Variants in ROBO1 observed in about 807,000 individuals in gnomAD.
ROBO1 encodes roundabout guidance receptor 1.
Under a neutral mutation model 195.9 loss-of-function variants are expected in ROBO1, and 149 were observed. The ratio of observed to expected loss-of-function variants is 0.76; its 90% CI spans 0.67 to 0.87. The LOEUF (loss-of-function observed/expected upper bound fraction) is 0.87, where lower values mean the gene tolerates loss of function less well. ROBO1 is among the 40% of genes least tolerant of loss of function. The pLI, the probability that ROBO1 is intolerant of heterozygous loss-of-function variation, is 0.00. For synonymous variants in ROBO1, 816 were observed against 733.2 expected (o/e 1.11, Z -1.82); for missense variants, 1,933 against 2,068.3 (o/e 0.93, Z 1.27).
At chr3:79,265,441 A>C (rs986685018) in intron 2 of ROBO1, among the ~76,000 whole-genome samples, 1 of 151,652 alleles carries the variant, frequency 6.6e-6, no homozygotes, top group Admixed American at 6.6e-5. Flanking sequence ...ACACAATTAT[A>C]CAATATGAAT....
Position 78,657,154 on chromosome 3 carries a change from G to A in ROBO1, c.2558C>T (p.Ala853Val). 6.2e-7 allele frequency: 1 copy of A among 1,612,732 alleles called. No individual in the cohort carries two copies. The highest frequency in any genetic ancestry group is 8.5e-7 in the Non-Finnish European group (1 of 1,179,382). Residue 853 changes from alanine (A) to valine (V), a missense_variant, in exon 18 of 31, where the codon GCA becomes GTA. This residue lies in a region of ROBO1 where 1,737 missense variants were observed against 1,882.5 expected (regional missense o/e 0.92). Transcript: ENST00000464233. ...VPGIRYSVEV[A>V]ASTGAGSGVK... ...CCCAGACCCAGCCCCAGTGCTGGCT[G>A]CCACTTCCACACTGTATCGGATTCC...
intron 3 of ROBO1, among the ~76,000 whole-genome samples, chr3:79,115,823 C>T (rs1405201167): frequency 1.3e-5 from 2 of 152,154 alleles, no homozygotes; most frequent in Non-Finnish European, 2.9e-5. Context: ...AGCAGACCCA[C>T]CATCTGTGCA....
intron 4 of ROBO1, among the ~76,000 whole-genome samples, chr3:78,804,434 A>C (rs184331195): frequency 1.2e-3 from 189 of 152,236 alleles, no homozygotes; most frequent in African/African-American, 4.3e-3. Context: ...TGTGTATACA[A>C]CATAATTAGG....
In ROBO1 at chr3:78,688,745, C is replaced by T. The variant is rs377297596; in HGVS notation, c.1073G>A (p.Arg358His). Residue 358 changes from arginine (R) to histidine (H), a missense_variant, in exon 9 of 31, where the codon CGT (arginine) becomes CAT (histidine). Physicochemically the swap from Arg to His is conservative, Grantham distance 29. This residue lies in a region of ROBO1 where 1,737 missense variants were observed against 1,882.5 expected (regional missense o/e 0.92). Coordinates refer to ENST00000464233, the MANE Select transcript of ROBO1 (RefSeq NM_002941.4). Reference sequence around the variant, plus strand: ...CCGTCCCAAAGCAACAACCTGGTCACGGGGTTTCACAACAAAATGTGGAGG... The same window carrying T: ...CCGTCCCAAAGCAACAACCTGGTCATGGGGTTTCACAACAAAATGTGGAGG... ...QEPPHFVVKP[R>H]DQVVALGRTV... 7.7e-5 allele frequency: 124 copies of T among 1,608,770 alleles called. No individual in the cohort carries two copies. The highest frequency in any genetic ancestry group is 3.3e-4 in the Middle Eastern group (2 of 6,074).
intron 2 of ROBO1, among the ~76,000 whole-genome samples, chr3:79,285,664 T>G (rs1443373717): frequency 1.3e-5 from 2 of 152,182 alleles, no homozygotes; most frequent in African/African-American, 4.8e-5. Flanking sequence ...TTTGTGAAAT[T>G]CACCCTAAGG....
At chr3:79,236,396 A>G (rs2082407474) in intron 2 of ROBO1, among the ~76,000 whole-genome samples, 1 of 152,146 alleles carries the variant, frequency 6.6e-6, no homozygotes, top group Admixed American at 6.5e-5. Flanking sequence ...TAAATCCCAA[A>G]TGAACAAGGG....
intron 4 of ROBO1, among the ~76,000 whole-genome samples, chr3:78,758,307 C>G (rs2082992685): frequency 6.6e-6 from 1 of 152,034 alleles, no homozygotes. Flanking sequence ...CTGCCTGCGC[C>G]CAGCAGTTTG....
At chr3:78,903,505 C>T (rs1190987478) in intron 4 of ROBO1, among the ~76,000 whole-genome samples, 2 of 149,228 alleles carry the variant, frequency 1.3e-5, no homozygotes, top group Non-Finnish European at 3.0e-5. Context: ...ATAAAAAGAA[C>T]AAATTTAGAT....
Position 78,636,014 on chromosome 3 carries a change from A to G in ROBO1, c.3132T>C (p.Ser1044=), listed in dbSNP as rs1257270781. ...AGGTTTTCATCTCATTGATTTTGTT[A>G]CTAAGGTCCACATCACCATAAACAG... ...ESTVYGDVDL[S]NKINEMKTFN... The change falls in exon 23 of 31, where the codon AGT becomes AGC. Residue 1044 remains serine (S), a synonymous_variant. Transcript: ENST00000464233. The G allele has an allele frequency of 6.2e-7, 1 of 1,613,760 alleles. No homozygotes were observed. Among genetic ancestry groups the G allele is most frequent in the African/African-American group, 1.3e-5 (1 of 74,902 alleles).
chr3:78,753,482 T>C (rs1327137683), intron 4 of ROBO1, among the ~76,000 whole-genome samples: 1 of 152,176 alleles, frequency 6.6e-6, no homozygotes, highest in African/African-American at 2.4e-5. Flanking sequence ...AAATTTGTAA[T>C]GTGTTCTAGA....
At chr3:78,899,165 T>A (rs951002809) in intron 4 of ROBO1, among the ~76,000 whole-genome samples, 2 of 152,162 alleles carry the variant, frequency 1.3e-5, no homozygotes, top group Non-Finnish European at 2.9e-5. Flanking sequence ...AATAAAAACA[T>A]ACCACTTTTT....
chr3:78,973,575 C>CTATATA lies in ROBO1; in HGVS notation c.173-34654_173-34649dup, dbSNP rs58598961. 2.0e-3 allele frequency among the ~76,000 whole-genome samples: 260 copies of CTATATA among 129,406 alleles called. 3 individuals are homozygous for CTATATA. The highest frequency in any genetic ancestry group is 3.4e-3 in the African/African-American group (122 of 36,278). The allele number at this position is 129,406 out of a possible 152,430, so 84.9% of individuals were successfully genotyped here. On this transcript the variant is annotated intron_variant, in intron 3 of 30. Coordinates refer to ENST00000464233, the MANE Select transcript of ROBO1 (RefSeq NM_002941.4). ...TATAAGAAGCTATACATATATGAAG[C>CTATATA]TATATATATATATATATATATATAG...
intron 1 of ROBO1, among the ~76,000 whole-genome samples, chr3:79,757,403 A>T (rs1169960651): frequency 6.6e-6 from 1 of 152,136 alleles, no homozygotes; most frequent in Non-Finnish European, 1.5e-5. Context: ...AAATGAGGAC[A>T]GAGGACAAAA....
At chr3:79,715,006 A>C (rs1314670904) in intron 1 of ROBO1, among the ~76,000 whole-genome samples, 3 of 151,974 alleles carry the variant, frequency 2.0e-5, no homozygotes, top group African/African-American at 4.8e-5. Context: ...AATAATAATA[A>C]AATTTTTTAA....
rs1175359081 is a variant in ROBO1, at chr3:79,055,755, A to G, written c.172+69701T>C. Among the ~76,000 whole-genome samples, 4 of 152,110 alleles carry G rather than the reference A, an allele frequency of 2.6e-5. No individual in the cohort carries two copies. The East Asian group carries it at 5.8e-4, about 22-fold the overall frequency. ...TTACTAAACCCCTCCAAATTACTGT[A>G]AAAGAAGACAGGGCTGGTTTAGGTT... On this transcript the variant is annotated intron_variant, in intron 3 of 30. Coordinates refer to ENST00000464233, the MANE Select transcript of ROBO1 (RefSeq NM_002941.4).
At chr3:79,606,408 C>T (rs1003278367) in intron 1 of ROBO1, among the ~76,000 whole-genome samples, 2 of 151,938 alleles carry the variant, frequency 1.3e-5, no homozygotes, top group African/African-American at 4.8e-5. Context: ...TCCTCATCAT[C>T]CATCCAGCCA....
At chr3:79,567,640 G>A (rs1943133451) in intron 2 of ROBO1, among the ~76,000 whole-genome samples, 2 of 151,896 alleles carry the variant, frequency 1.3e-5, no homozygotes, top group African/African-American at 4.8e-5. Flanking sequence ...TAGAAGCTTT[G>A]ACTATTAAAA....
chr3:79,616,528 C>A (rs1017460700), intron 1 of ROBO1, among the ~76,000 whole-genome samples: 4 of 151,976 alleles, frequency 2.6e-5, no homozygotes, highest in African/African-American at 9.7e-5. Flanking sequence ...CATAGGAAAC[C>A]AGATAACATG....
At chr3:79,271,266 A>C (rs1446187496) in intron 2 of ROBO1, among the ~76,000 whole-genome samples, 1 of 151,932 alleles carries the variant, frequency 6.6e-6, no homozygotes, top group Non-Finnish European at 1.5e-5. Flanking sequence ...AACTGAATCT[A>C]TCATTTATTC....
Sources: allele counts gnomAD v4.1 joint callset (sites outside exome capture counted in the v4.1 genomes callset), GRCh38; gene constraint gnomAD v4.1.1; regional missense constraint gnomAD v4.1.1; transcripts MANE v1.5; gene names NCBI Gene and HGNC (gene_info 2026-07-23, HGNC 2026-07-21).